The following RNGTT variants were observed in gnomAD, a reference collection of about 807,000 sequenced individuals.
RNGTT encodes the protein RNA guanylyltransferase and 5'-phosphatase, also known as mRNA-capping enzyme.
In RNGTT, 33 loss-of-function variants were observed where a neutral mutation model predicts 79.3. That is an observed-to-expected ratio of 0.42 (90% CI 0.32 to 0.56). RNGTT has a LOEUF of 0.56. Among genes scored for constraint, RNGTT ranks in the 20% least tolerant of loss-of-function variants. The pLI is 0.17. For missense variants in RNGTT, 497 were observed against 739.1 expected, an observed-to-expected ratio of 0.67 and a Z score of 3.80; for synonymous variants, 222 against 235.9, an observed-to-expected ratio of 0.94 and a Z score of 0.54.
At chr6:88,836,168 C>G (rs902084188) in intron 11 of RNGTT, among the ~76,000 whole-genome samples, 1 of 150,316 alleles carries the variant, frequency 6.7e-6, no homozygotes, top group Non-Finnish European at 1.5e-5. Context: ...AGTATGAATT[C>G]TCTTTAGTAT....
chr6:88,650,677 T>G (rs1773763859), intron 14 of RNGTT, among the ~76,000 whole-genome samples: 1 of 152,198 alleles, frequency 6.6e-6, no homozygotes, highest in African/African-American at 2.4e-5. Context: ...CATAGGTGAT[T>G]TATTTACATA....
chr6:88,820,490 T>A (rs1189065105), intron 11 of RNGTT, among the ~76,000 whole-genome samples: 2 of 152,338 alleles, frequency 1.3e-5, no homozygotes, highest in East Asian at 1.9e-4. Context: ...AATAAAATTG[T>A]CTTTTTTCAC....
intron 2 of RNGTT, among the ~76,000 whole-genome samples, chr6:88,940,079 C>A: frequency 7.3e-6 from 1 of 136,466 alleles, no homozygotes; most frequent in East Asian, 2.2e-4. Context: ...TTTTTTTTTT[C>A]TTTTCTTTTT....
At chr6:88,832,192 A>T (rs939163129) in intron 11 of RNGTT, among the ~76,000 whole-genome samples, 1 of 152,204 alleles carries the variant, frequency 6.6e-6, no homozygotes, top group Non-Finnish European at 1.5e-5. Flanking sequence ...TCAAAACTAC[A>T]CTACAAGGCT....
intron 11 of RNGTT, among the ~76,000 whole-genome samples, chr6:88,803,315 C>T (rs1779846092): frequency 1.3e-5 from 2 of 152,060 alleles, no homozygotes; most frequent in Admixed American, 6.5e-5. Context: ...GTGGCTCACA[C>T]CTGTAATCCC....
chr6:88,857,595 C>A (rs757033939), intron 8 of RNGTT, among the ~76,000 whole-genome samples: 5 of 152,022 alleles, frequency 3.3e-5, no homozygotes, highest in Admixed American at 6.6e-5. Flanking sequence ...ATTGCATATT[C>A]ATGTAAAAGC....
intron 2 of RNGTT, among the ~76,000 whole-genome samples, chr6:88,929,978 A>G (rs922499843): frequency 1.3e-5 from 2 of 149,700 alleles, no homozygotes; most frequent in African/African-American, 2.4e-5. Context: ...ATACATGCAT[A>G]TGTGCATATA....
chr6:88,842,838 A>T (rs1455192876), intron 11 of RNGTT, among the ~76,000 whole-genome samples: 1 of 152,092 alleles, frequency 6.6e-6, no homozygotes, highest in African/African-American at 2.4e-5. Flanking sequence ...TTGGGAGGCT[A>T]AGGCAGGCTG....
At chr6:88,799,424 C>A (rs1036716781) in intron 12 of RNGTT, among the ~76,000 whole-genome samples, 3 of 152,008 alleles carry the variant, frequency 2.0e-5, no homozygotes, top group Non-Finnish European at 2.9e-5. Flanking sequence ...TACGGCCCGG[C>A]GCGGTGGCTC....
intron 13 of RNGTT, among the ~76,000 whole-genome samples, chr6:88,736,899 G>A (rs1777306689): frequency 6.6e-6 from 1 of 152,146 alleles, no homozygotes; most frequent in Non-Finnish European, 1.5e-5. Flanking sequence ...GATCATCAGA[G>A]AGCTGCCATT....
At chr6:88,614,615 G>C (rs1446284090) in intron 14 of RNGTT, among the ~76,000 whole-genome samples, 1 of 152,138 alleles carries the variant, frequency 6.6e-6, no homozygotes, top group Non-Finnish European at 1.5e-5. Context: ...TTGTGAAAAT[G>C]GCTGTCAATA....
At chr6:88,824,763 T>A (rs940299289) in intron 11 of RNGTT, among the ~76,000 whole-genome samples, 8 of 151,312 alleles carry the variant, frequency 5.3e-5, no homozygotes, top group Non-Finnish European at 1.0e-4. Context: ...TTTTTTTTTT[T>A]TTCTTTTTGG....
At chr6:88,661,245 C>T (rs1000859891) in intron 14 of RNGTT, among the ~76,000 whole-genome samples, 13 of 151,994 alleles carry the variant, frequency 8.6e-5, no homozygotes, top group Middle Eastern at 3.2e-3. Context: ...AATCTAAACT[C>T]GCACCCCAAG....
At chr6:88,950,359 G>A (rs1785201835) in intron 1 of RNGTT, among the ~76,000 whole-genome samples, 2 of 152,088 alleles carry the variant, frequency 1.3e-5, no homozygotes, top group Admixed American at 1.3e-4. Context: ...TATTATTTTT[G>A]TTTGTCTTTA....
intron 4 of RNGTT, among the ~76,000 whole-genome samples, chr6:88,908,854 C>G (rs577881749): frequency 1.8e-4 from 28 of 152,306 alleles, no homozygotes; most frequent in Admixed American, 9.8e-4. Flanking sequence ...AGACTGCCTG[C>G]CTGGCTGCTC....
intron 8 of RNGTT, among the ~76,000 whole-genome samples, chr6:88,877,279 G>A (rs929850587): frequency 1.3e-5 from 2 of 152,060 alleles, no homozygotes; most frequent in African/African-American, 2.4e-5. Context: ...ATTTTATGTG[G>A]GTCTCCACCA....
intron 12 of RNGTT, among the ~76,000 whole-genome samples, chr6:88,798,382 T>G (rs952653637): frequency 6.6e-6 from 1 of 151,916 alleles, no homozygotes. Context: ...CGAGGATTGC[T>G]TGAACCCAGG....
intron 6 of RNGTT, 29 bp downstream of exon 6, chr6:88,904,686 A>G: frequency 6.4e-7 from 1 of 1,556,426 alleles, no homozygotes; most frequent in Non-Finnish European, 8.6e-7. Context: ...AGGAAAAAAA[A>G]AACCTATTAT....
At chr6:88,805,430 G>A (rs1779922919) in intron 11 of RNGTT, among the ~76,000 whole-genome samples, 1 of 152,186 alleles carries the variant, frequency 6.6e-6, no homozygotes, top group Non-Finnish European at 1.5e-5. Context: ...CCCCACCTTG[G>A]TTGGGCACAG....
Sources: allele counts gnomAD v4.1 joint callset (sites outside exome capture counted in the v4.1 genomes callset), GRCh38; gene constraint gnomAD v4.1.1; transcripts MANE v1.5; gene names NCBI Gene and HGNC (gene_info 2026-07-23, HGNC 2026-07-21).